KCNAB2: variants seen among roughly 807,000 people sequenced by gnomAD.
KCNAB2 encodes the protein voltage-gated potassium channel subunit beta-2.
A neutral mutation model predicts 63.6 loss-of-function variants in KCNAB2; 29 were observed. The observed-to-expected ratio is 0.46, with a 90% CI of 0.34 to 0.62. KCNAB2 has a LOEUF of 0.62. Ranked by LOEUF, KCNAB2 falls within the 20% of genes least tolerant of loss-of-function variation. The pLI, the probability that KCNAB2 is intolerant of heterozygous loss-of-function variation, is 0.01. For missense variants in KCNAB2, 359 were observed against 563.9 expected (o/e 0.64, Z 3.68); for synonymous variants, 222 against 224.2 (o/e 0.99, Z 0.09).
intron 4 of KCNAB2, among the ~76,000 whole-genome samples, chr1:6,076,431 C>T (rs1043368581): frequency 6.6e-6 from 1 of 152,188 alleles, no homozygotes; most frequent in African/African-American, 2.4e-5. Flanking sequence ...TGTTAGGTGC[C>T]CTTTCTGTGG....
chr1:6,029,483 C>T (rs1659441096), upstream of KCNAB2, among the ~76,000 whole-genome samples: 1 of 152,146 alleles, frequency 6.6e-6, no homozygotes, highest in South Asian at 2.1e-4. Context: ...ATGCAGATGG[C>T]ACAGATGTCC....
chr1:6,005,955 C>T lies in KCNAB2; in HGVS notation c.-53+13167C>T, dbSNP rs1237265724. 9.5e-4 allele frequency among the ~76,000 whole-genome samples: 33 copies of T among 34,824 alleles called. 1 individual carries two copies. The highest frequency in any genetic ancestry group is 9.6e-4 in the Non-Finnish European group (19 of 19,858). The allele number at this position is 34,824 out of a possible 152,430, so 22.8% of individuals were successfully genotyped here. ...TCCACCCTCACCCCTCAGCTCAGCT[C>T]CTACATTTCCCACTCCACCCTCACC... On this transcript the variant is annotated intron_variant, in intron 1 of 16. Coordinates refer to the KCNAB2 transcript ENST00000341524.
chr1:6,089,195 T>C (rs1664968396), intron 8 of KCNAB2, 144 bp downstream of exon 8: 3 of 883,432 alleles, frequency 3.4e-6, no homozygotes, highest in Non-Finnish European at 5.3e-6. Flanking sequence ...TGGCCTGACC[T>C]TCTCCTTCCA....
intron 8 of KCNAB2, among the ~76,000 whole-genome samples, chr1:6,089,804 TCTC>T (rs1665027255): frequency 6.6e-6 from 1 of 152,184 alleles, no homozygotes; most frequent in Non-Finnish European, 1.5e-5. Context: ...TTCAAGCAAT[TCTC>T]CTGCCTCAGC....
At chr1:6,033,251 A>ATG (rs748127124), upstream of KCNAB2, among the ~76,000 whole-genome samples, 106 of 137,688 alleles carry the variant, frequency 7.7e-4, no homozygotes, top group Admixed American at 1.2e-3. Flanking sequence ...GTGTGCGTGT[A>ATG]TGTGTGTGTG....
At chr1:6,050,298 T>C (rs1661278382) in intron 1 of KCNAB2, among the ~76,000 whole-genome samples, 1 of 152,202 alleles carries the variant, frequency 6.6e-6, no homozygotes, top group African/African-American at 2.4e-5. Flanking sequence ...GCACCTTCTC[T>C]CTCTGGTGAT....
At chr1:6,081,169 C>T (rs1664178907) in intron 4 of KCNAB2, among the ~76,000 whole-genome samples, 1 of 152,234 alleles carries the variant, frequency 6.6e-6, no homozygotes, top group South Asian at 2.1e-4. Context: ...AAGTCTGATG[C>T]ACAGCGCATT....
chr1:6,094,929 T>G (rs1665493368), intron 11 of KCNAB2, among the ~76,000 whole-genome samples: 1 of 152,198 alleles, frequency 6.6e-6, no homozygotes. Flanking sequence ...ACAGGGACCC[T>G]CTCACATGCA....
intron 1 of KCNAB2, among the ~76,000 whole-genome samples, chr1:6,005,919 C>A: frequency 7.5e-6 from 1 of 133,200 alleles, no homozygotes; most frequent in South Asian, 2.5e-4. Context: ...TCAGCTCCCA[C>A]ATCCCCCCAC....
rs1663329142 is a variant in KCNAB2, at chr1:6,072,879, G to T, written c.262+81G>T. On this transcript the variant is annotated intron_variant, in intron 3 of 15. Coordinates refer to ENST00000378083, the MANE Select transcript of KCNAB2 (RefSeq NM_001199862.2). ...GCATGGACTGAACTGGACACCCCTT[G>T]GGAGGCAGGGTGGCCCAAACCTTGG... The T allele has an allele frequency of 9.3e-6, 13 of 1,404,964 alleles. No individual in the cohort carries two copies. The South Asian group carries it at 1.6e-4, about 17-fold the overall frequency. The allele number at this position is 1,404,964 out of a possible 1,614,324, so 87.0% of individuals were successfully genotyped here. A position where few individuals can be genotyped will look rare whatever the true frequency, so the allele number is the denominator to read the frequency against.
chr1:6,091,041 G>C (rs1665145452), intron 9 of KCNAB2, among the ~76,000 whole-genome samples: 1 of 152,214 alleles, frequency 6.6e-6, no homozygotes, highest in East Asian at 1.9e-4. Flanking sequence ...TGTGTGCTTT[G>C]CTGCTGCAGG....
At chr1:6,023,939 ATTT>A (rs5772216) in intron 1 of KCNAB2, among the ~76,000 whole-genome samples, 1 of 141,430 alleles carries the variant, frequency 7.1e-6, no homozygotes. Flanking sequence ...TGAATGACTA[ATTT>A]TTTTTTTTTT....
intron 1 of KCNAB2, among the ~76,000 whole-genome samples, chr1:5,996,433 A>C (rs892971142): frequency 6.6e-6 from 1 of 152,188 alleles, no homozygotes; most frequent in Admixed American, 6.5e-5. Context: ...TGCCACACCC[A>C]GGTTTCCACT....
In KCNAB2 at chr1:6,085,837, G is replaced by A. The variant is rs145716857; in HGVS notation, c.425+589G>A. ...CGGCAGGGCTATCCTGAGGGTCAGT[G>A]GCCCCAAGTCTGTAAATCACCCACC... On this transcript the variant is annotated intron_variant, in intron 6 of 15. Coordinates refer to ENST00000378083, the MANE Select transcript of KCNAB2 (RefSeq NM_001199862.2). 5.7e-4 allele frequency: 568 copies of A among 987,902 alleles called. 3 individuals carry two copies. The African/African-American group carries it at 9.6e-3, about 17-fold the overall frequency. 61.2% of individuals were successfully genotyped at this position (987,902 alleles called of 1,614,324 possible).
chr1:6,002,924 GC>G (rs1657340474), intron 1 of KCNAB2, among the ~76,000 whole-genome samples: 1 of 152,000 alleles, frequency 6.6e-6, no homozygotes, highest in African/African-American at 2.4e-5. Flanking sequence ...TCTGGCTCTG[GC>G]CCCCTGCTTC....
In KCNAB2 at chr1:6,090,738, G is replaced by A. The variant is rs553184631; in HGVS notation, c.601+263G>A. ...CCTGGCTTTGGACCCAGGCCGATCCGCCCTCCGAGTCAGAGCCGCAGTGGA... is the reference window on the plus strand; with the variant it reads ...CCTGGCTTTGGACCCAGGCCGATCCACCCTCCGAGTCAGAGCCGCAGTGGA... On this transcript the variant is annotated intron_variant, in intron 9 of 15. Transcript: ENST00000378083. Among the ~76,000 whole-genome samples, 77 of 152,256 alleles carry A rather than the reference G, an allele frequency of 5.1e-4. 1 individual carries two copies. Among genetic ancestry groups the A allele is most frequent in the East Asian group, 3.3e-3 (17 of 5,162 alleles).
intron 1 of KCNAB2, among the ~76,000 whole-genome samples, chr1:6,008,735 G>A (rs1657974806): frequency 6.6e-6 from 1 of 152,118 alleles, no homozygotes; most frequent in South Asian, 2.1e-4. Context: ...GGAAGTGGCT[G>A]AGGGAGTGAG....
intron 1 of KCNAB2, among the ~76,000 whole-genome samples, chr1:6,016,634 G>T (rs1658516406): frequency 6.6e-6 from 1 of 152,246 alleles, no homozygotes; most frequent in Non-Finnish European, 1.5e-5. Context: ...GCATCTGTAG[G>T]AAGGCTTTGG....
At position 6,086,891 on chromosome 1, in the gene KCNAB2, C is replaced by T. The variant is rs1407751716; in HGVS notation, c.426-576C>T. Among the ~76,000 whole-genome samples the T allele has an allele frequency of 6.6e-6, 1 of 151,750 alleles. No homozygotes were observed. Among genetic ancestry groups the T allele is most frequent in the Non-Finnish European group, 1.5e-5 (1 of 67,942 alleles). ...ACCAGGCCGTCCTTATGCCTCCCCT[C>T]CCTCCCTTGGTGCCCCTCAAGTTAC... On this transcript the variant is annotated intron_variant, in intron 6 of 15. Coordinates refer to ENST00000378083, the MANE Select transcript of KCNAB2 (RefSeq NM_001199862.2). The surrounding 1 kb of genome is among the most constrained non-coding windows in gnomAD (Gnocchi z 4.2).
Sources: allele counts gnomAD v4.1 joint callset (sites outside exome capture counted in the v4.1 genomes callset), GRCh38; gene constraint gnomAD v4.1.1; non-coding constraint Gnocchi (gnomAD v3.1); transcripts MANE v1.5; gene names NCBI Gene and HGNC (gene_info 2026-07-23, HGNC 2026-07-21).